The following TLR3 variants were observed in gnomAD, a reference collection of about 807,000 sequenced individuals.
TLR3 encodes the protein toll-like receptor 3.
A neutral mutation model predicts 66.4 loss-of-function variants in TLR3; 43 were observed. The ratio of observed to expected loss-of-function variants is 0.65; its 90% CI spans 0.51 to 0.83. TLR3 has a LOEUF of 0.83. Among genes scored for constraint, TLR3 ranks in the 40% least tolerant of loss-of-function variants. The pLI, the probability that TLR3 is intolerant of heterozygous loss-of-function variation, is 0.00. For missense variants in TLR3, 982 were observed against 1,044.6 expected, an observed-to-expected ratio of 0.94 and a Z score of 0.83; for synonymous variants, 397 against 397.2, an observed-to-expected ratio of 1.00 and a Z score of 0.01.
rs914831023 is a variant in TLR3, at chr4:186,084,949, A to G, written c.*76A>G. On this transcript the variant is annotated 3_prime_UTR_variant, in exon 5 of 5. Transcript: ENST00000296795. The stretch of plus-strand genomic sequence containing the variant: ...GTTCTATGGCAAATTTAAGTTTTCC[A>G]TAAAGGTGTTATAATTTGTTTATTC... 1.6e-5 allele frequency: 18 copies of G among 1,157,352 alleles called. No individual in the cohort carries two copies. The African/African-American group carries it at 2.3e-4, about 15-fold the overall frequency. 71.7% of individuals were successfully genotyped at this position (1,157,352 alleles called of 1,614,324 possible).
Position 186,082,866 on chromosome 4 carries a change from C to G in TLR3, c.1180C>G (p.Arg394Gly). 1 of 1,613,444 alleles carries G rather than the reference C, an allele frequency of 6.2e-7. No individual in the cohort carries two copies. Among genetic ancestry groups the G allele is most frequent in the Non-Finnish European group, 8.5e-7 (1 of 1,179,568 alleles). The change falls in exon 4 of 5, where the codon CGA becomes GGA. Residue 394 changes from arginine to glycine, a missense_variant. This residue lies in a region of TLR3 where 666 missense variants were observed against 709.0 expected (regional missense o/e 0.94). Transcript: ENST00000296795. The stretch of plus-strand genomic sequence containing the variant: ...TCTATCCAACTCCTTTACAAGTTTG[C>G]GAACTTTGACAAATGAAACATTTGT... ...LSLSNSFTSL[R>G]TLTNETFVSL... is the part of the protein sequence containing the mutation.
intron 2 of TLR3, among the ~76,000 whole-genome samples, chr4:186,078,070 A>G (rs1292115202): frequency 6.6e-6 from 1 of 152,216 alleles, no homozygotes; most frequent in Non-Finnish European, 1.5e-5. Flanking sequence ...TGTGGATGAA[A>G]TATCTTTGAA....
chr4:186,081,846 C>A (rs984135557), intron 3 of TLR3: 1 of 164,226 alleles, frequency 6.1e-6, no homozygotes, highest in Non-Finnish European at 1.3e-5. Context: ...CTGCAGGAAC[C>A]GAGTAAGGAA....
intron 1 of TLR3, among the ~76,000 whole-genome samples, chr4:186,069,794 A>G (rs78963230): frequency 0.093 from 14,081 of 152,212 alleles, 941 homozygotes; most frequent in Non-Finnish European, 0.13. Context: ...GAGAAGTGGA[A>G]AGTTGTTAAG....
chr4:186,082,051 C>G, intron 3 of TLR3: 1 of 438,796 alleles, frequency 2.3e-6, no homozygotes, highest in Non-Finnish European at 4.1e-6. Flanking sequence ...ACGGTGAAAC[C>G]CCGACTCTAC....
intron 1 of TLR3, among the ~76,000 whole-genome samples, chr4:186,072,293 C>T (rs2099301613): frequency 1.3e-5 from 2 of 152,124 alleles, no homozygotes; most frequent in South Asian, 2.1e-4. Flanking sequence ...AGGTGCCACA[C>T]ACTTTTATTT....
Position 186,087,201 on chromosome 4 carries a change from C to T in TLR3, c.*2328C>T, listed in dbSNP as rs1275858579. ...CTGCCTGCAGACCCCATTCTCCTGC[C>T]TCAGATATATCAATGACATATTCAA... On this transcript the variant is annotated 3_prime_UTR_variant, in exon 5 of 5. Coordinates refer to ENST00000296795, the MANE Select transcript of TLR3 (RefSeq NM_003265.3). The T allele has an allele frequency of 6.6e-6, 1 of 152,108 alleles. No individual in the cohort carries two copies. The highest frequency in any genetic ancestry group is 1.5e-5 in the Non-Finnish European group (1 of 68,038). The allele number at this position is 152,108 out of a possible 1,614,324, so 9.4% of individuals were successfully genotyped here. A position where few individuals can be genotyped will look rare whatever the true frequency, so the allele number is the denominator to read the frequency against.
chr4:186,071,675 G>T (rs1348041885), intron 1 of TLR3, among the ~76,000 whole-genome samples: 1 of 126,072 alleles, frequency 7.9e-6, no homozygotes, highest in African/African-American at 2.7e-5. Flanking sequence ...GTTTATGGAA[G>T]CCAGTTTTTT....
At chr4:186,073,202 G>A (rs554676713) in intron 1 of TLR3, among the ~76,000 whole-genome samples, 2 of 152,128 alleles carry the variant, frequency 1.3e-5, no homozygotes, top group Non-Finnish European at 2.9e-5. Flanking sequence ...ACAATCCGGT[G>A]GGGGAAAGAA....
At chr4:186,078,713 A>G in intron 2 of TLR3, 127 bp from the exon 3 acceptor site, 1 of 732,436 alleles carries the variant, frequency 1.4e-6, no homozygotes, top group Non-Finnish European at 2.3e-6. Flanking sequence ...GCTTACTGTT[A>G]GTATTCTACA....
At chr4:186,074,977 C>T (rs146829197) in intron 1 of TLR3, among the ~76,000 whole-genome samples, 24 of 152,008 alleles carry the variant, frequency 1.6e-4, no homozygotes, top group African/African-American at 5.1e-4. Context: ...GACAACAGTG[C>T]CTTCTTCTGG....
intron 1 of TLR3, among the ~76,000 whole-genome samples, chr4:186,072,204 G>T (rs2099301595): frequency 6.6e-6 from 1 of 152,244 alleles, no homozygotes; most frequent in African/African-American, 2.4e-5. Context: ...GGAGCCTCAA[G>T]GAGCTTTCAC....
intron 1 of TLR3, among the ~76,000 whole-genome samples, chr4:186,073,441 A>T (rs2099301847): frequency 6.6e-6 from 1 of 151,840 alleles, no homozygotes; most frequent in African/African-American, 2.4e-5. Flanking sequence ...AATCACTTGA[A>T]CCCAGGAGGT....
chr4:186,074,798 CTTTTTT>C (rs945224864), intron 1 of TLR3, among the ~76,000 whole-genome samples: 8 of 150,742 alleles, frequency 5.3e-5, no homozygotes, highest in African/African-American at 1.9e-4. Flanking sequence ...TAATTTTCTT[CTTTTTT>C]TTTAACTTTT....
At position 186,087,166 on chromosome 4, in the gene TLR3, T is replaced by C. The variant is rs1319409631; in HGVS notation, c.*2293T>C. 6.6e-6 allele frequency: 1 copy of C among 152,176 alleles called. No individual in the cohort carries two copies. The highest frequency in any genetic ancestry group is 1.5e-5 in the Non-Finnish European group (1 of 68,028). The allele number at this position is 152,176 out of a possible 1,614,324, so 9.4% of individuals were successfully genotyped here. ...CCATTTGATTGAGTTCTAGGAAGCC[T>C]TTAGTTTCCCTGCCTGCAGACCCCA... is the stretch of plus-strand genomic sequence containing the variant. On this transcript the variant is annotated 3_prime_UTR_variant, in exon 5 of 5. Transcript: ENST00000296795.
At chr4:186,078,236 T>C (rs2099302779) in intron 2 of TLR3, among the ~76,000 whole-genome samples, 1 of 152,172 alleles carries the variant, frequency 6.6e-6, no homozygotes, top group Admixed American at 6.5e-5. Context: ...ATTTGAAGCA[T>C]ACATATTCAA....
chr4:186,078,786 G>T, intron 2 of TLR3, 54 bp from the exon 3 acceptor site: 4 of 1,491,032 alleles, frequency 2.7e-6, no homozygotes, highest in East Asian at 2.3e-5. Context: ...ACATTTAAAA[G>T]AACTGTTTTT....
At position 186,087,456 on chromosome 4, in the gene TLR3, C is replaced by T. The variant is rs541973079; in HGVS notation, c.*2583C>T. The T allele has an allele frequency of 3.9e-5, 6 of 152,292 alleles. No homozygotes were observed. The allele number at this position is 152,292 out of a possible 1,614,324, so 9.4% of individuals were successfully genotyped here. ...GAGGAAAAGGATGTTTGTCTGAGCTCTTGTTTGATTTGCCCAAGTGACTTG... is the reference window on the plus strand; with the variant it reads ...GAGGAAAAGGATGTTTGTCTGAGCTTTTGTTTGATTTGCCCAAGTGACTTG... On this transcript the variant is annotated 3_prime_UTR_variant, in exon 5 of 5. Coordinates refer to ENST00000296795, the MANE Select transcript of TLR3 (RefSeq NM_003265.3).
rs1286658767 is a variant in TLR3, at chr4:186,084,198, G to C, written c.2486+26G>C. 4 of 1,604,510 alleles carry C rather than the reference G, an allele frequency of 2.5e-6. No individual in the cohort carries two copies. The Admixed American group carries it at 5.0e-5, about 20-fold the overall frequency. The stretch of plus-strand genomic sequence containing the variant: ...GTAGGTAAACATTGTGAAATTTTAA[G>C]TGTGTACTTGCTTTTCAATTAAATT... On this transcript the variant is annotated intron_variant, in intron 4 of 4. Coordinates refer to ENST00000296795, the MANE Select transcript of TLR3 (RefSeq NM_003265.3).
Sources: allele counts gnomAD v4.1 joint callset (sites outside exome capture counted in the v4.1 genomes callset), GRCh38; gene constraint gnomAD v4.1.1; regional missense constraint gnomAD v4.1.1; transcripts MANE v1.5; gene names NCBI Gene and HGNC (gene_info 2026-07-23, HGNC 2026-07-21).